MYRIP: variants seen among roughly 807,000 people sequenced by gnomAD.
The protein encoded by MYRIP is rab effector MyRIP.
Under a neutral mutation model 98.0 loss-of-function variants are expected in MYRIP, and 49 were observed. The ratio of observed to expected loss-of-function variants is 0.50; its 90% CI spans 0.40 to 0.63. The LOEUF is 0.63. Among genes scored for constraint, MYRIP ranks in the 30% least tolerant of loss-of-function variants. MYRIP has a pLI of 0.00. For synonymous variants in MYRIP, 404 were observed against 409.5 expected, an observed-to-expected ratio of 0.99 and a Z score of 0.16; for missense variants, 1,004 against 1,058.2, an observed-to-expected ratio of 0.95 and a Z score of 0.71.
intron 3 of MYRIP, among the ~76,000 whole-genome samples, chr3:40,132,264 G>C (rs940288211): frequency 6.6e-6 from 1 of 152,080 alleles, no homozygotes; most frequent in Non-Finnish European, 1.5e-5. Context: ...TTTAAAATTA[G>C]AACTTAGTTA....
chr3:40,196,834 C>T (rs1317462747), intron 10 of MYRIP, among the ~76,000 whole-genome samples: 3 of 152,108 alleles, frequency 2.0e-5, no homozygotes, highest in Non-Finnish European at 4.4e-5. Context: ...TTTCTTAATT[C>T]CTATCTTTTT....
intron 11 of MYRIP, among the ~76,000 whole-genome samples, chr3:40,220,090 G>C (rs1294851862): frequency 6.6e-5 from 10 of 151,666 alleles, no homozygotes; most frequent in Non-Finnish European, 1.5e-4. Context: ...GGCCAGTGAT[G>C]ATGAGCATTT....
At chr3:39,879,255 C>T (rs991388487) in intron 1 of MYRIP, among the ~76,000 whole-genome samples, 1 of 151,790 alleles carries the variant, frequency 6.6e-6, no homozygotes, top group African/African-American at 2.4e-5. Flanking sequence ...GTTTTTATTT[C>T]ATTTATATAA....
chr3:39,971,397 A>G (rs948978146), intron 2 of MYRIP, among the ~76,000 whole-genome samples: 4 of 152,078 alleles, frequency 2.6e-5, no homozygotes, highest in African/African-American at 9.7e-5. Context: ...GTGGCATATT[A>G]TGACCTCTCA....
At chr3:39,852,039 C>G (rs1430371181) in intron 1 of MYRIP, among the ~76,000 whole-genome samples, 1 of 152,098 alleles carries the variant, frequency 6.6e-6, no homozygotes, top group African/African-American at 2.4e-5. Flanking sequence ...CTTTCATTTA[C>G]TTAGCAATCA....
At chr3:39,913,692 TGAAATCATACAATGCCTTAGG>T (rs1224074403) in intron 2 of MYRIP, among the ~76,000 whole-genome samples, 1 of 152,214 alleles carries the variant, frequency 6.6e-6, no homozygotes, top group Non-Finnish European at 1.5e-5. Context: ...TGTTTGTTCA[TGAAATCATACAATGCCTTAGG>T]GCAGTCTAAC....
chr3:40,038,896 T>C (rs985159681), intron 2 of MYRIP, among the ~76,000 whole-genome samples: 3 of 152,110 alleles, frequency 2.0e-5, no homozygotes, highest in Non-Finnish European at 4.4e-5. Context: ...TTGGATAATT[T>C]TCCTCTAACC....
chr3:40,182,127 A>G (rs1575602980), intron 8 of MYRIP, 93 bp from the exon 9 acceptor site: 5 of 1,349,484 alleles, frequency 3.7e-6, no homozygotes, highest in Non-Finnish European at 5.0e-6. Context: ...TGTTTTCTCC[A>G]TGCTGGACAA....
intron 3 of MYRIP, among the ~76,000 whole-genome samples, chr3:40,137,169 C>T (rs1949796959): frequency 6.6e-6 from 1 of 152,094 alleles, no homozygotes; most frequent in Non-Finnish European, 1.5e-5. Context: ...AGAGAAGAAT[C>T]AAATAGACGC....
At chr3:40,045,194 G>A (rs1398471150) in intron 3 of MYRIP, among the ~76,000 whole-genome samples, 1 of 152,020 alleles carries the variant, frequency 6.6e-6, no homozygotes, top group Admixed American at 6.6e-5. Flanking sequence ...ATCCTTTAAT[G>A]CATCAAGACC....
intron 1 of MYRIP, among the ~76,000 whole-genome samples, chr3:39,831,895 T>C (rs1215439431): frequency 6.6e-6 from 1 of 152,222 alleles, no homozygotes; most frequent in Non-Finnish European, 1.5e-5. Flanking sequence ...TATAAGTTTC[T>C]GGGTTTCTCA....
chr3:40,040,861 T>A (rs1575488490), intron 2 of MYRIP, among the ~76,000 whole-genome samples: 1 of 59,164 alleles, frequency 1.7e-5, no homozygotes, highest in African/African-American at 5.4e-5. Flanking sequence ...GGGATAGCAT[T>A]GGGAGATATA....
At chr3:39,854,532 T>C (rs116574530) in intron 1 of MYRIP, among the ~76,000 whole-genome samples, 3,691 of 152,248 alleles carry the variant, frequency 0.024, 110 homozygotes, top group East Asian at 0.09. Flanking sequence ...GGAGCATTTT[T>C]CATCCATATC....
chr3:39,914,721 A>G (rs1461901087), intron 2 of MYRIP, among the ~76,000 whole-genome samples: 1 of 152,146 alleles, frequency 6.6e-6, no homozygotes, highest in East Asian at 1.9e-4. Context: ...CAATGCACCT[A>G]TACTTCCTGC....
At chr3:39,878,355 C>A (rs1422105921) in intron 1 of MYRIP, among the ~76,000 whole-genome samples, 2 of 152,144 alleles carry the variant, frequency 1.3e-5, no homozygotes, top group South Asian at 2.1e-4. Flanking sequence ...GCACCCACTG[C>A]CCTGTGCCCA....
At chr3:39,927,422 G>A (rs527519537) in intron 2 of MYRIP, among the ~76,000 whole-genome samples, 11 of 151,956 alleles carry the variant, frequency 7.2e-5, no homozygotes, top group South Asian at 2.1e-4. Context: ...AGGGGAATGC[G>A]TCCAGCTTTT....
At chr3:39,996,011 A>C (rs1436921212) in intron 2 of MYRIP, among the ~76,000 whole-genome samples, 6 of 152,188 alleles carry the variant, frequency 3.9e-5, no homozygotes, top group Non-Finnish European at 8.8e-5. Flanking sequence ...CAGGCCTGCC[A>C]TACAAGAGCT....
At chr3:40,071,278 CTGGA>C in intron 3 of MYRIP, 12 of 817,462 alleles carry the variant, frequency 1.5e-5, no homozygotes, top group African/African-American at 1.9e-5. Flanking sequence ...AGAGAGATGG[CTGGA>C]TCAGGGGATT....
chr3:39,851,890 C>A (rs749170049), intron 1 of MYRIP, among the ~76,000 whole-genome samples: 3 of 152,042 alleles, frequency 2.0e-5, no homozygotes, highest in Non-Finnish European at 4.4e-5. Flanking sequence ...AGGTTCTCTG[C>A]ACAGCTAGAC....
Sources: allele counts gnomAD v4.1 joint callset (sites outside exome capture counted in the v4.1 genomes callset), GRCh38; gene constraint gnomAD v4.1.1; transcripts MANE v1.5; gene names NCBI Gene and HGNC (gene_info 2026-07-23, HGNC 2026-07-21).